Variants in OR5M1 observed in about 807,000 individuals in gnomAD.
OR5M1 encodes olfactory receptor 5M1.
For missense variants in OR5M1, 367 were observed against 379.5 expected (o/e 0.97, Z 0.27); for synonymous variants, 165 against 144.2 (o/e 1.14, Z -1.04).
rs202015049 is a variant in OR5M1 at position 56,612,571 on chromosome 11, T to C, written c.932A>G (p.His311Arg). Residue 311 changes from histidine (H) to arginine (R), a missense_variant, in exon 2 of 2, where the codon CAT becomes CGT. His to Arg is a conservative substitution (Grantham distance 29, BLOSUM62 0). Coordinates refer to ENST00000641076, the MANE Select transcript of OR5M1 (RefSeq NM_001004740.2). ...MQQMIRGKSFHKIAV is the reference protein window; with the variant it reads ...MQQMIRGKSFRKIAV ...AACACAAGCCTAAACTGCAATTTTA[T>C]GAAAGGATTTTCCCCTAATCATTTG... 8.5e-5 allele frequency: 136 copies of C among 1,598,330 alleles called. 1 individual carries two copies. The African/African-American group carries it at 1.5e-3, about 17-fold the overall frequency.
rs1260004826 is a variant in OR5M1, at chr11:56,612,106, G to A, written c.*449C>T. 1 of 152,642 alleles carries A rather than the reference G, an allele frequency of 6.6e-6. No individual in the cohort carries two copies. The highest frequency in any genetic ancestry group is 1.5e-5 in the Non-Finnish European group (1 of 68,454). 9.5% of individuals were successfully genotyped at this position (152,642 alleles called of 1,614,324 possible). A position where few individuals can be genotyped will look rare whatever the true frequency, so the allele number is the denominator to read the frequency against. ...ATTGATTACAATAAGCACAAAGGTA[G>A]CTGAGCTATTGTTCAAGACACCATA... On this transcript the variant is annotated 3_prime_UTR_variant, in exon 2 of 2. Transcript: ENST00000641076.
In OR5M1 at chr11:56,613,405, G is replaced by T. The variant is rs772373306; in HGVS notation, c.98C>A (p.Ala33Glu). 7.4e-6 allele frequency: 12 copies of T among 1,613,494 alleles called. No homozygotes were observed. Among genetic ancestry groups the T allele is most frequent in the South Asian group, 3.3e-5 (3 of 91,082 alleles). Residue 33 changes from alanine (A) to glutamate (E), a missense_variant, in exon 2 of 2, where the codon GCG becomes GAG. Physicochemically the swap from Ala to Glu is moderately radical, Grantham distance 107 (BLOSUM62 -1). Coordinates refer to ENST00000641076, the MANE Select transcript of OR5M1 (RefSeq NM_001004740.2). ...GCCTGCCAGTGTGATTAGGTAGATC[G>T]CAAGGAATACCCCAAACAGGATCTT... ...LEKILFGVFL[A>E]IYLITLAGNL... is the part of the protein sequence containing the mutation.
rs190866135 is a variant in OR5M1 at position 56,613,973 on chromosome 11, T to C, written c.-17-454A>G. Among the ~76,000 whole-genome samples, 4 of 152,324 alleles carry C rather than the reference T, an allele frequency of 2.6e-5. No homozygotes were observed. In the East Asian group the frequency reaches 5.8e-4, roughly 22 times the overall value. ...TTATACCTCCAGCTCTGATATTGTA[T>C]TGTTTCAGATACAAAATGAAGAAAG... On this transcript the variant is annotated intron_variant, in intron 1 of 1. Coordinates refer to ENST00000641076, the MANE Select transcript of OR5M1 (RefSeq NM_001004740.2).
chr11:56,613,792 C>A (rs952948149), intron 1 of OR5M1, among the ~76,000 whole-genome samples: 6 of 152,066 alleles, frequency 3.9e-5, no homozygotes, highest in African/African-American at 1.4e-4. Context: ...TTATTCATTC[C>A]TACATTTATA....
intron 1 of OR5M1, among the ~76,000 whole-genome samples, chr11:56,614,004 C>A (rs1195287883): frequency 1.3e-5 from 2 of 152,126 alleles, no homozygotes; most frequent in African/African-American, 2.4e-5. Context: ...GAAAGAAAAG[C>A]AAAGCATTTT....
At position 56,610,943 on chromosome 11, in the gene OR5M1, A is replaced by G. The variant is rs1322625025; in HGVS notation, c.*1612T>C. 1.3e-5 allele frequency: 2 copies of G among 152,184 alleles called. No individual in the cohort carries two copies. Among genetic ancestry groups the G allele is most frequent in the Non-Finnish European group, 2.9e-5 (2 of 68,014 alleles). The allele number at this position is 152,184 out of a possible 1,614,324, so 9.4% of individuals were successfully genotyped here. A position where few individuals can be genotyped will look rare whatever the true frequency, so the allele number is the denominator to read the frequency against. On this transcript the variant is annotated 3_prime_UTR_variant, in exon 2 of 2. Transcript: ENST00000641076. ...TCGTACAGTTATTTAGGCCAAATAT[A>G]GAGTATTTTTTGCACTCATTCTAAA...
At chr11:56,613,563 T>G (rs761545532) in intron 1 of OR5M1, 44 bp from the exon 2 acceptor site, 1 of 1,483,878 alleles carries the variant, frequency 6.7e-7, no homozygotes, top group Admixed American at 1.8e-5. Flanking sequence ...TGATTCAGAT[T>G]TGGCATTTGT....
rs1430936882 is a variant in OR5M1, at chr11:56,612,598, T to C, written c.905A>G (p.Gln302Arg). Residue 302 changes from glutamine (Q) to arginine (R), a missense_variant, in exon 2 of 2, where the codon CAA (glutamine) becomes CGA (arginine). By Grantham distance (43) the Gln-to-Arg change is conservative. Transcript: ENST00000641076. Reference sequence around the variant, plus strand: ...AAAGGATTTTCCCCTAATCATTTGTTGCATGGCAAGGATTACATCTGTGTT... The same window carrying C: ...AAAGGATTTTCCCCTAATCATTTGTCGCATGGCAAGGATTACATCTGTGTT... ...LRNTDVILAM[Q>R]QMIRGKSFHK... 6.2e-7 allele frequency: 1 copy of C among 1,606,314 alleles called. No homozygotes were observed. The highest frequency in any genetic ancestry group is 1.3e-5 in the African/African-American group (1 of 74,694).
At position 56,611,205 on chromosome 11, in the gene OR5M1, GC is replaced by G. The variant is rs1853673405; in HGVS notation, c.*1349del. 6.6e-6 allele frequency: 1 copy of G among 151,994 alleles called. No homozygotes were observed. The highest frequency in any genetic ancestry group is 1.5e-5 in the Non-Finnish European group (1 of 68,006). The allele number at this position is 151,994 out of a possible 1,614,324, so 9.4% of individuals were successfully genotyped here. Reference sequence around the variant, plus strand: ...CTTCCTCTGTTGTCCCACCATCATTGCCAAAACCAAGCAAATACAAAAACAA... The same window carrying G: ...CTTCCTCTGTTGTCCCACCATCATTGCAAAACCAAGCAAATACAAAAACAA... On this transcript the variant is annotated 3_prime_UTR_variant, in exon 2 of 2. Coordinates refer to ENST00000641076, the MANE Select transcript of OR5M1 (RefSeq NM_001004740.2).
Sources: gnomAD v4.1 joint callset for allele counts (sites outside exome capture counted in the v4.1 genomes callset) on GRCh38, gnomAD v4.1.1 for gene constraint, MANE v1.5 for transcripts, NCBI Gene and HGNC (gene_info 2026-07-23, HGNC 2026-07-21) for gene names.